SP110: variants seen among roughly 807,000 people sequenced by gnomAD.
SP110 encodes the protein interferon-induced protein 41, 30kD.
Under a neutral mutation model 92.7 loss-of-function variants are expected in SP110, and 62 were observed. The ratio of observed to expected loss-of-function variants is 0.67; its 90% confidence interval spans 0.55 to 0.83. The LOEUF (loss-of-function observed/expected upper bound fraction) is 0.83. Ranked by LOEUF, SP110 falls within the 40% of genes least tolerant of loss-of-function variation. The pLI, the probability that SP110 is intolerant of heterozygous loss-of-function variation, is 0.00. For synonymous variants in SP110, 273 were observed against 305.3 expected (o/e 0.89, Z 1.10); for missense variants, 793 against 863.9 (o/e 0.92, Z 1.03).
chr2:230,193,311 AATCTGT>A (rs1168270899), intron 10 of SP110, among the ~76,000 whole-genome samples: 1 of 152,176 alleles, frequency 6.6e-6, no homozygotes, highest in Non-Finnish European at 1.5e-5. Context: ...CCATTCTGCC[AATCTGT>A]ATCTTTTAAG....
In SP110 at chr2:230,177,620, T is replaced by C; in HGVS notation, c.1508A>G (p.Glu503Gly). 6.2e-7 allele frequency: 1 copy of C among 1,614,154 alleles called. No homozygotes were observed. The highest frequency in any genetic ancestry group is 8.5e-7 in the Non-Finnish European group (1 of 1,179,954). The change falls in exon 14 of 19, where the codon GAA (glutamate) becomes GGA (glycine). Residue 503 changes from glutamate to glycine, a missense_variant. Physicochemically the swap from Glu to Gly is moderately conservative, Grantham distance 98. Transcript: ENST00000258381. ...DGTWLTPNEFEVEGKGRNAKN... is the reference protein window; with the variant it reads ...DGTWLTPNEFGVEGKGRNAKN... ...TGCGTTCCTTCCTTTTCCTTCGACT[T>C]CAAATTCATTTGGTGTTAACCAAGT... is the stretch of plus-strand genomic sequence containing the variant.
intron 11 of SP110, among the ~76,000 whole-genome samples, chr2:230,185,606 T>C (rs1574625275): frequency 1.3e-5 from 2 of 152,310 alleles, no homozygotes; most frequent in Middle Eastern, 3.4e-3. Context: ...ACTTCACTTC[T>C]AGAAATGAAA....
chr2:230,168,969 T>C lies in SP110; in HGVS notation c.*155A>G, dbSNP rs1432041086. 1.5e-6 allele frequency: 1 copy of C among 669,398 alleles called. No individual in the cohort carries two copies. The highest frequency in any genetic ancestry group is 1.8e-5 in the African/African-American group (1 of 54,968). The allele number at this position is 669,398 out of a possible 1,614,324, so 41.5% of individuals were successfully genotyped here. A position where few individuals can be genotyped will look rare whatever the true frequency, so the allele number is the denominator to read the frequency against. On this transcript the variant is annotated 3_prime_UTR_variant, in exon 19 of 19. Coordinates refer to ENST00000258381, the MANE Select transcript of SP110 (RefSeq NM_080424.4). ...GACTTTTAAAGGTAAAAAGAAAGAA[T>C]AAAGATGGAGGGTGTGATAATCCTA...
intron 8 of SP110, among the ~76,000 whole-genome samples, chr2:230,206,605 ATATATAT>A: frequency 1.9e-5 from 1 of 51,606 alleles, no homozygotes; most frequent in Non-Finnish European, 3.5e-5. Context: ...TTATATATAT[ATATATAT>A]ATATATATAT....
chr2:230,181,479 G>A lies in SP110; in HGVS notation c.1348+2093C>T, dbSNP rs561703220. Among the ~76,000 whole-genome samples the A allele has an allele frequency of 1.0e-3, 153 of 152,324 alleles. 5 individuals carry two copies. The South Asian group carries it at 0.029, about 29-fold the overall frequency. ...AAAATGCAGGTCTCCACAAGGGCAT[G>A]TCAGGGAGACCCACCCCTACCTGCT... is the stretch of plus-strand genomic sequence containing the variant. On this transcript the variant is annotated intron_variant, in intron 12 of 18. Coordinates refer to ENST00000258381, the MANE Select transcript of SP110 (RefSeq NM_080424.4).
Position 230,183,615 on chromosome 2 carries a change from A to G in SP110, c.1305T>C (p.Cys435=). ...LKEKKKEKDI[C]SSSKRRFQKN... ...TCTGAAATCTCCTTTTTGAGCTTGA[A>G]CAGATATCTTTCTCCTTTTTCTTTT... is the stretch of plus-strand genomic sequence containing the variant. The change falls in exon 12 of 19, where the codon TGT becomes TGC. Residue 435 remains cysteine (C), a synonymous_variant. Coordinates refer to ENST00000258381, the MANE Select transcript of SP110 (RefSeq NM_080424.4). 2 of 1,600,472 alleles carry G rather than the reference A, an allele frequency of 1.2e-6. No individual in the cohort carries two copies. Among genetic ancestry groups the G allele is most frequent in the Non-Finnish European group, 1.7e-6 (2 of 1,167,500 alleles).
At chr2:230,187,220 T>C (rs1412151844) in intron 10 of SP110, among the ~76,000 whole-genome samples, 1 of 152,178 alleles carries the variant, frequency 6.6e-6, no homozygotes, top group East Asian at 1.9e-4. Context: ...TGGTATCTCA[T>C]TGTGGTTTTA....
intron 8 of SP110, among the ~76,000 whole-genome samples, chr2:230,206,011 G>T (rs908811497): frequency 2.6e-5 from 4 of 152,140 alleles, no homozygotes; most frequent in South Asian, 2.1e-4. Flanking sequence ...AAAGCAGCTT[G>T]TCTCTCCTTC....
chr2:230,173,619 T>A (rs2041714342), intron 14 of SP110: 1 of 153,132 alleles, frequency 6.5e-6, no homozygotes, highest in African/African-American at 2.4e-5. Context: ...TTATGGAAGA[T>A]CTATTTAGAG....
chr2:230,192,549 A>C (rs1403324704), intron 10 of SP110, among the ~76,000 whole-genome samples: 1 of 152,190 alleles, frequency 6.6e-6, no homozygotes, highest in Admixed American at 6.5e-5. Flanking sequence ...TACAAAGAGA[A>C]TAAAATACCT....
chr2:230,184,898 C>T (rs1352982555), intron 11 of SP110, among the ~76,000 whole-genome samples: 1 of 152,188 alleles, frequency 6.6e-6, no homozygotes, highest in African/African-American at 2.4e-5. Flanking sequence ...GTCTAAGGGC[C>T]AAATTGGCCT....
At chr2:230,175,799 G>C (rs185698473) in intron 14 of SP110, among the ~76,000 whole-genome samples, 6 of 152,122 alleles carry the variant, frequency 3.9e-5, no homozygotes, top group Admixed American at 3.3e-4. Context: ...CAGTTCAAAG[G>C]CGTCATTCCA....
At chr2:230,177,281 C>G in intron 14 of SP110, 2 of 498,058 alleles carry the variant, frequency 4.0e-6, no homozygotes, top group Non-Finnish European at 3.6e-6. Context: ...TAGGTTCTTA[C>G]ATCTCTCTTC....
At chr2:230,207,146 T>C (rs10167116) in intron 8 of SP110, among the ~76,000 whole-genome samples, 4,106 of 152,222 alleles carry the variant, frequency 0.027, 185 homozygotes, top group African/African-American at 0.093. Flanking sequence ...AGCAGCAAAG[T>C]TTTTTCTTTT....
rs368509869 is a variant in SP110 at position 230,190,665 on chromosome 2, T to C, written c.1130-4522A>G. Among the ~76,000 whole-genome samples the C allele has an allele frequency of 9.4e-3, 623 of 66,570 alleles. 8 individuals are homozygous for C. Among genetic ancestry groups the C allele is most frequent in the Middle Eastern group, 0.045 (7 of 154 alleles). The allele number at this position is 66,570 out of a possible 152,430, so 43.7% of individuals were successfully genotyped here. ...GTCTTGAATGATATTGCTTCAGTTT[T>C]CTTCTAGGGTTTTTATGGTTTTGGG... On this transcript the variant is annotated intron_variant, in intron 10 of 18. Coordinates refer to ENST00000258381, the MANE Select transcript of SP110 (RefSeq NM_080424.4).
intron 14 of SP110, 140 bp from the exon 15 acceptor site, chr2:230,173,099 C>T: frequency 1.5e-6 from 1 of 674,744 alleles, no homozygotes; most frequent in Non-Finnish European, 2.8e-6. Flanking sequence ...GAGCTGATGC[C>T]ACCTCCCTGG....
At chr2:230,192,358 G>C (rs1189852822) in intron 10 of SP110, among the ~76,000 whole-genome samples, 1 of 152,166 alleles carries the variant, frequency 6.6e-6, no homozygotes, top group Non-Finnish European at 1.5e-5. Flanking sequence ...TCTGTTTGCA[G>C]ATGACATGAT....
chr2:230,216,997 GCA>G, intron 1 of SP110, 69 bp from the exon 2 acceptor site: 1 of 1,438,990 alleles, frequency 6.9e-7, no homozygotes, highest in Non-Finnish European at 9.5e-7. Flanking sequence ...TGTAATCCCG[GCA>G]CTTTGGGAGG....
At chr2:230,176,120 G>C (rs563470272) in intron 14 of SP110, among the ~76,000 whole-genome samples, 2 of 151,636 alleles carry the variant, frequency 1.3e-5, no homozygotes. Context: ...ATTTTTGTAT[G>C]TTTTGTAAAG....
Sources: allele counts gnomAD v4.1 joint callset (sites outside exome capture counted in the v4.1 genomes callset), GRCh38; gene constraint gnomAD v4.1.1; transcripts MANE v1.5; gene names NCBI Gene and HGNC (gene_info 2026-07-23, HGNC 2026-07-21).